The following PIKFYVE variants were observed in gnomAD, a reference collection of about 807,000 sequenced individuals.
The protein encoded by PIKFYVE is phosphoinositide kinase, FYVE-type zinc finger containing.
Under a neutral mutation model 257.9 loss-of-function variants are expected in PIKFYVE, and 122 were observed. The ratio of observed to expected loss-of-function variants is 0.47; its 90% confidence interval spans 0.41 to 0.55. The LOEUF (loss-of-function observed/expected upper bound fraction) is 0.55, where lower values mean the gene tolerates loss of function less well. Among genes scored for constraint, PIKFYVE ranks in the 20% least tolerant of loss-of-function variants. The pLI is 0.00. For synonymous variants in PIKFYVE, 892 were observed against 868.9 expected, an observed-to-expected ratio of 1.03 and a Z score of -0.47; for missense variants, 2,160 against 2,536.6, an observed-to-expected ratio of 0.85 and a Z score of 3.19.
chr2:208,351,331 C>A (rs1553536062), intron 37 of PIKFYVE, 21 bp from the exon 38 acceptor site: 1 of 1,507,482 alleles, frequency 6.6e-7, no homozygotes, highest in South Asian at 1.1e-5. Flanking sequence ...TGAGTAAACA[C>A]ATAAAATTTC....
At chr2:208,272,236 AAAAAT>A (rs1268472447) in intron 2 of PIKFYVE, among the ~76,000 whole-genome samples, 1 of 151,932 alleles carries the variant, frequency 6.6e-6, no homozygotes, top group Non-Finnish European at 1.5e-5. Flanking sequence ...CTCCATCTCA[AAAAAT>A]AAAAATAAAA....
chr2:208,295,212 G>A (rs1469434167), intron 7 of PIKFYVE, among the ~76,000 whole-genome samples: 1 of 152,202 alleles, frequency 6.6e-6, no homozygotes, highest in Non-Finnish European at 1.5e-5. Flanking sequence ...TCTTTGTTCA[G>A]GTTTTAGTTG....
At position 208,273,654 on chromosome 2, in the gene PIKFYVE, G is replaced by C. The variant is rs763317417; in HGVS notation, c.243G>C (p.Ser81=). 20 of 1,613,998 alleles carry C rather than the reference G, an allele frequency of 1.2e-5. No individual in the cohort carries two copies. The highest frequency in any genetic ancestry group is 1.6e-5 in the Non-Finnish European group (19 of 1,180,030). ...SGSWTSPQLP[S]RTQSVRSPTP... ...GTTGGACCAGCCCTCAGCTCCCTTC[G>C]AGGACACAGTCTGTTAGGTCACCCA... The change falls in exon 3 of 42, where the codon TCG becomes TCC. Residue 81 remains serine, a synonymous_variant. Coordinates refer to ENST00000264380, the MANE Select transcript of PIKFYVE (RefSeq NM_015040.4).
chr2:208,325,917 G>T lies in PIKFYVE; in HGVS notation c.3106G>T (p.Asp1036Tyr). 2 of 1,614,112 alleles carry T rather than the reference G, an allele frequency of 1.2e-6. No homozygotes were observed. The highest frequency in any genetic ancestry group is 1.7e-6 in the Non-Finnish European group (2 of 1,179,978). The change falls in exon 20 of 42, where the codon GAT (aspartate) becomes TAT (tyrosine). Residue 1036 changes from aspartate (D) to tyrosine (Y), a missense_variant. Transcript: ENST00000264380. ...TACTGAGGAAGTCACCTCCTCTGAA[G>T]ATAAACGAAAGACTTATTCTTTGGC... is the stretch of plus-strand genomic sequence containing the variant. ...YVTEEVTSSE[D>Y]KRKTYSLAFK...
chr2:208,354,130 C>T lies in PIKFYVE; in HGVS notation c.6077C>T (p.Thr2026Ile), dbSNP rs1229689312. The change falls in exon 40 of 42, where the codon ACT (threonine) becomes ATT (isoleucine). Residue 2026 changes from threonine to isoleucine, a missense_variant. Transcript: ENST00000264380. The part of the protein sequence containing the change: ...DYSLLVGRDD[T>I]SNELVVGIID... ...TCTTTGCTGGTTGGGCGAGATGATA[C>T]TAGCAATGAGCTAGTAGTTGGAATT... 6.2e-7 allele frequency: 1 copy of T among 1,613,718 alleles called. No homozygotes were observed. Among genetic ancestry groups the T allele is most frequent in the African/African-American group, 1.3e-5 (1 of 75,036 alleles).
chr2:208,286,066 T>C, intron 6 of PIKFYVE, 133 bp downstream of exon 6: 1 of 925,222 alleles, frequency 1.1e-6, no homozygotes, highest in Non-Finnish European at 1.6e-6. Context: ...CCTTTTTCTT[T>C]GGCTTGCCTC....
At chr2:208,279,779 C>A (rs571057275) in intron 5 of PIKFYVE, among the ~76,000 whole-genome samples, 1 of 152,246 alleles carries the variant, frequency 6.6e-6, no homozygotes, top group Non-Finnish European at 1.5e-5. Flanking sequence ...TGTACCAGTA[C>A]CACTGCTGTT....
At chr2:208,328,814 A>T (rs932245450) in intron 21 of PIKFYVE, among the ~76,000 whole-genome samples, 1 of 152,198 alleles carries the variant, frequency 6.6e-6, no homozygotes, top group African/African-American at 2.4e-5. Flanking sequence ...GTGGTACCAT[A>T]TCAGGACTCA....
In PIKFYVE at chr2:208,350,704, G is replaced by A. The variant is rs1699693701; in HGVS notation, c.5435-67G>A. On this transcript the variant is annotated intron_variant, in intron 36 of 41. Transcript: ENST00000264380. ...TGCATTTGGCCAGGGTAGGGAGTGA[G>A]GGAGCGGAGGAGGAAAGATATTTTC... is the stretch of plus-strand genomic sequence containing the variant. 4 of 1,553,002 alleles carry A rather than the reference G, an allele frequency of 2.6e-6. No homozygotes were observed. In the South Asian group the frequency reaches 4.5e-5, roughly 17 times the overall value.
rs192544667 is a variant in PIKFYVE at position 208,339,682 on chromosome 2, T to G, written c.4810+127T>G. On this transcript the variant is annotated intron_variant, in intron 30 of 41. Transcript: ENST00000264380. ...TGCTTCATAATAACAGATTCATGCCTTGCTTTCTGTTTAGGTGGTAACTAC... is the reference window on the plus strand; with the variant it reads ...TGCTTCATAATAACAGATTCATGCCGTGCTTTCTGTTTAGGTGGTAACTAC... 84 of 1,276,430 alleles carry G rather than the reference T, an allele frequency of 6.6e-5. No individual in the cohort carries two copies. In the African/African-American group the frequency reaches 1.1e-3, roughly 16 times the overall value. 79.1% of individuals were successfully genotyped at this position (1,276,430 alleles called of 1,614,324 possible). A position where few individuals can be genotyped will look rare whatever the true frequency, so the allele number is the denominator to read the frequency against.
rs1691627440 is a variant in PIKFYVE at position 208,286,756 on chromosome 2, G to A, written c.821+823G>A. On this transcript the variant is annotated intron_variant, in intron 6 of 41. Transcript: ENST00000264380. Reference sequence around the variant, plus strand: ...GGCTGTCTTGAACTCCTGGCTTCAAGCGATCCTCCCACCTCAGCTTCCCAA... The same window carrying A: ...GGCTGTCTTGAACTCCTGGCTTCAAACGATCCTCCCACCTCAGCTTCCCAA... 4.6e-5 allele frequency among the ~76,000 whole-genome samples: 7 copies of A among 151,686 alleles called. No homozygotes were observed. The South Asian group carries it at 1.5e-3, about 32-fold the overall frequency.
chr2:208,297,568 A>C (rs1429608089), intron 7 of PIKFYVE, among the ~76,000 whole-genome samples: 2 of 152,306 alleles, frequency 1.3e-5, no homozygotes, highest in Non-Finnish European at 2.9e-5. Context: ...GAGCTACTTT[A>C]GGCAGATTAC....
intron 35 of PIKFYVE, among the ~76,000 whole-genome samples, chr2:208,348,577 C>G (rs968034114): frequency 3.6e-4 from 51 of 140,108 alleles, no homozygotes; most frequent in African/African-American, 1.3e-3. Flanking sequence ...AATGAGACCT[C>G]TGTCTCTACC....
chr2:208,268,262 C>T (rs1688929280), intron 1 of PIKFYVE, among the ~76,000 whole-genome samples: 1 of 152,082 alleles, frequency 6.6e-6, no homozygotes, highest in Non-Finnish European at 1.5e-5. Flanking sequence ...ATTTCCAAAG[C>T]CGAGTATAAT....
In PIKFYVE at chr2:208,302,363, A is replaced by G. The variant is rs1693798271; in HGVS notation, c.1320+10A>G. The G allele has an allele frequency of 6.3e-7, 1 of 1,599,726 alleles. No individual in the cohort carries two copies. ...GTATAGACCACTGCAGGTACTTTTC[A>G]GTGTTTACTGCCAATTAGAATGTAG... On this transcript the variant is annotated intron_variant, in intron 10 of 41. Coordinates refer to ENST00000264380, the MANE Select transcript of PIKFYVE (RefSeq NM_015040.4).
intron 23 of PIKFYVE, among the ~76,000 whole-genome samples, chr2:208,332,476 C>T (rs1047344367): frequency 5.3e-5 from 8 of 151,976 alleles, no homozygotes; most frequent in African/African-American, 7.3e-5. Context: ...ATTTATCCCA[C>T]GGGAATAATT....
rs2125848952 is a variant in PIKFYVE at position 208,356,608 on chromosome 2, T to G, written c.*1303T>G. The G allele has an allele frequency of 1.3e-5, 2 of 152,834 alleles. No homozygotes were observed. The highest frequency in any genetic ancestry group is 4.1e-4 in the South Asian group (2 of 4,822). The allele number at this position is 152,834 out of a possible 1,614,324, so 9.5% of individuals were successfully genotyped here. A position where few individuals can be genotyped will look rare whatever the true frequency, so the allele number is the denominator to read the frequency against. Reference sequence around the variant, plus strand: ...GGCGGAGGCTGCAGTGAGCTGGGATTACACCATTGCATTCCAGCCTGGGCA... The same window carrying G: ...GGCGGAGGCTGCAGTGAGCTGGGATGACACCATTGCATTCCAGCCTGGGCA... On this transcript the variant is annotated 3_prime_UTR_variant, in exon 42 of 42. Transcript: ENST00000264380.
At chr2:208,307,102 T>C (rs745964267) in intron 12 of PIKFYVE, among the ~76,000 whole-genome samples, 1 of 152,144 alleles carries the variant, frequency 6.6e-6, no homozygotes, top group Non-Finnish European at 1.5e-5. Context: ...AAAGATTATC[T>C]ATCAAAGTTG....
intron 23 of PIKFYVE, 123 bp downstream of exon 23, chr2:208,330,817 G>T (rs1157299563): frequency 3.0e-6 from 3 of 999,980 alleles, no homozygotes; most frequent in East Asian, 2.5e-5. Flanking sequence ...AGCTCTATTT[G>T]TCATTGTTAT....
Sources: gnomAD v4.1 joint callset for allele counts (sites outside exome capture counted in the v4.1 genomes callset) on GRCh38, gnomAD v4.1.1 for gene constraint, MANE v1.5 for transcripts, NCBI Gene and HGNC (gene_info 2026-07-23, HGNC 2026-07-21) for gene names.